The following CNTN3 variants were observed in gnomAD, a reference collection of about 807,000 sequenced individuals.
CNTN3 encodes contactin-3.
A neutral mutation model predicts 119.1 loss-of-function variants in CNTN3; 60 were observed. That is an observed-to-expected ratio of 0.50 (90% CI 0.41 to 0.62). CNTN3 has a LOEUF of 0.62. Among genes scored for constraint, CNTN3 ranks in the 20% least tolerant of loss-of-function variants. The probability of loss-of-function intolerance (pLI) is 0.00; values close to 1 mark genes in which losing one functional copy is unlikely to be tolerated. For synonymous variants in CNTN3, 450 were observed against 438.7 expected (o/e 1.03, Z -0.32); for missense variants, 1,101 against 1,242.4 (o/e 0.89, Z 1.71).
intron 1 of CNTN3, among the ~76,000 whole-genome samples, chr3:74,545,778 C>T (rs1703905801): frequency 6.6e-6 from 1 of 151,784 alleles, no homozygotes; most frequent in Admixed American, 6.6e-5. Context: ...ATTACCAACC[C>T]CCACCCCCAA....
At chr3:74,405,321 A>G (rs932384848) in intron 5 of CNTN3, among the ~76,000 whole-genome samples, 1 of 150,774 alleles carries the variant, frequency 6.6e-6, no homozygotes, top group Non-Finnish European at 1.5e-5. Context: ...ATATAGATAC[A>G]TTTGCAGATA....
At chr3:74,350,624 T>C (rs367580068) in intron 11 of CNTN3, among the ~76,000 whole-genome samples, 3 of 152,194 alleles carry the variant, frequency 2.0e-5, no homozygotes, top group South Asian at 2.1e-4. Flanking sequence ...TGTACTCCTA[T>C]GTTTATCACA....
chr3:74,343,366 C>G (rs943859822), intron 11 of CNTN3, among the ~76,000 whole-genome samples: 18 of 152,150 alleles, frequency 1.2e-4, no homozygotes, highest in African/African-American at 4.3e-4. Context: ...TCAGGGTCTT[C>G]TACAGAAATT....
At chr3:74,383,716 C>T (rs989869716) in intron 5 of CNTN3, among the ~76,000 whole-genome samples, 5 of 152,164 alleles carry the variant, frequency 3.3e-5, no homozygotes, top group Non-Finnish European at 7.3e-5. Context: ...AACTCCTTAG[C>T]ACAAGCGATC....
intron 19 of CNTN3, among the ~76,000 whole-genome samples, chr3:74,291,128 C>T (rs1702223061): frequency 6.6e-6 from 1 of 151,984 alleles, no homozygotes; most frequent in African/African-American, 2.4e-5. Context: ...CAGTTCCCAC[C>T]TGTGAGTGAG....
At chr3:74,330,649 T>C (rs1241872027) in intron 13 of CNTN3, among the ~76,000 whole-genome samples, 1 of 152,112 alleles carries the variant, frequency 6.6e-6, no homozygotes, top group Non-Finnish European at 1.5e-5. Context: ...CTCATATAGG[T>C]CCTTCAGGAG....
intron 1 of CNTN3, among the ~76,000 whole-genome samples, chr3:74,534,025 A>T (rs1259006310): frequency 1.3e-5 from 2 of 152,082 alleles, no homozygotes; most frequent in African/African-American, 2.4e-5. Flanking sequence ...ACTTCAGAGC[A>T]GCTTAGCATC....
intron 5 of CNTN3, among the ~76,000 whole-genome samples, chr3:74,405,264 C>T (rs908365136): frequency 1.1e-4 from 16 of 152,020 alleles, no homozygotes; most frequent in Non-Finnish European, 2.1e-4. Flanking sequence ...ATAATCTACT[C>T]TTTCTCTCAC....
intron 21 of CNTN3, 111 bp from the exon 22 acceptor site, chr3:74,266,760 T>A (rs1701669358): frequency 1.1e-6 from 1 of 887,814 alleles, no homozygotes; most frequent in Admixed American, 2.4e-5. Context: ...TCCACTAGAA[T>A]GTAAGTTTCA....
intron 8 of CNTN3, 132 bp downstream of exon 8, chr3:74,369,057 C>T (rs773454362): frequency 1.7e-6 from 1 of 574,496 alleles, no homozygotes; most frequent in African/African-American, 1.9e-5. Flanking sequence ...TTTATCATCA[C>T]TTAACAAAAT....
rs1295584303 is a variant in CNTN3 at position 74,521,279 on chromosome 3, GTT to G, written c.-80-89_-80-88del. 5.3e-5 allele frequency: 22 copies of G among 412,492 alleles called. No homozygotes were observed. In the East Asian group the frequency reaches 7.8e-4, roughly 15 times the overall value. The allele number at this position is 412,492 out of a possible 1,614,324, so 25.6% of individuals were successfully genotyped here. A position where few individuals can be genotyped will look rare whatever the true frequency, so the allele number is the denominator to read the frequency against. On this transcript the variant is annotated intron_variant, in intron 1 of 22. Coordinates refer to ENST00000263665, the MANE Select transcript of CNTN3 (RefSeq NM_020872.3). ...AGATTTTCTTCTTTTCGTAAAAACT[GTT>G]TATCATTTGGAGACACTGAAAACCC...
chr3:74,335,403 A>G (rs1703367038), intron 12 of CNTN3, among the ~76,000 whole-genome samples: 1 of 152,114 alleles, frequency 6.6e-6, no homozygotes, highest in Non-Finnish European at 1.5e-5. Flanking sequence ...TAAAATGCTA[A>G]TTAATGTCTG....
intron 5 of CNTN3, among the ~76,000 whole-genome samples, chr3:74,406,439 A>G (rs988543462): frequency 6.6e-6 from 1 of 152,078 alleles, no homozygotes; most frequent in African/African-American, 2.4e-5. Flanking sequence ...TTGTGGTAAT[A>G]TGATTTTACC....
chr3:74,350,712 C>T (rs1944890361), intron 11 of CNTN3, among the ~76,000 whole-genome samples: 1 of 151,922 alleles, frequency 6.6e-6, no homozygotes, highest in African/African-American at 2.4e-5. Context: ...AAATATGGTA[C>T]ATATACAGCA....
chr3:74,567,624 G>C (rs1704247933), intron 1 of CNTN3, among the ~76,000 whole-genome samples: 1 of 152,074 alleles, frequency 6.6e-6, no homozygotes, highest in Admixed American at 6.6e-5. Flanking sequence ...GGGGGCACTT[G>C]CATATCCTCC....
chr3:74,474,338 G>A (rs1702616110), intron 4 of CNTN3, among the ~76,000 whole-genome samples: 1 of 152,062 alleles, frequency 6.6e-6, no homozygotes. Flanking sequence ...CCAAGTTTAT[G>A]GGCAAAATCA....
intron 4 of CNTN3, among the ~76,000 whole-genome samples, chr3:74,463,386 C>T (rs1430401379): frequency 6.6e-6 from 1 of 152,052 alleles, no homozygotes; most frequent in Non-Finnish European, 1.5e-5. Flanking sequence ...AGATTAAAAG[C>T]TGGGTATGTA....
intron 4 of CNTN3, among the ~76,000 whole-genome samples, chr3:74,483,943 G>A (rs896284391): frequency 5.3e-5 from 8 of 152,042 alleles, no homozygotes; most frequent in African/African-American, 9.7e-5. Context: ...CATACATGTC[G>A]TATTCTTTTT....
intron 2 of CNTN3, among the ~76,000 whole-genome samples, chr3:74,518,709 C>T (rs561566782): frequency 1.3e-5 from 2 of 152,032 alleles, no homozygotes; most frequent in South Asian, 4.1e-4. Flanking sequence ...GCTTTCAAAG[C>T]ATTCCTTAAT....
Sources: gnomAD v4.1 joint callset for allele counts (sites outside exome capture counted in the v4.1 genomes callset) on GRCh38, gnomAD v4.1.1 for gene constraint, MANE v1.5 for transcripts, NCBI Gene and HGNC (gene_info 2026-07-23, HGNC 2026-07-21) for gene names.